KIAA0586: variants seen among roughly 807,000 people sequenced by gnomAD.
KIAA0586 encodes the protein protein TALPID3.
KIAA0586 carries 144 observed loss-of-function variants against 169.8 expected under a neutral mutation model. The observed-to-expected ratio is 0.85, with a 90% CI of 0.74 to 0.97. The LOEUF is 0.97. Ranked by LOEUF, KIAA0586 falls within the 50% of genes least tolerant of loss-of-function variation. The pLI is 0.00. For missense variants in KIAA0586, 1,854 were observed against 1,823.0 expected (o/e 1.02, Z -0.31); for synonymous variants, 625 against 612.4 (o/e 1.02, Z -0.30).
At chr14:58,540,029 T>C in intron 29 of KIAA0586, 42 bp from the exon 30 acceptor site, 1 of 1,150,454 alleles carries the variant, frequency 8.7e-7, no homozygotes, top group South Asian at 1.4e-5. Context: ...ATTATTTCTA[T>C]GCTTAACTGA....
intron 21 of KIAA0586, 32 bp downstream of exon 21, chr14:58,482,744 A>G: frequency 7.1e-7 from 1 of 1,406,126 alleles, no homozygotes; most frequent in Non-Finnish European, 9.7e-7. Context: ...TTTATTGAAG[A>G]ATAGTAAAAT....
chr14:58,470,856 A>AT, intron 17 of KIAA0586, 133 bp downstream of exon 17: 3 of 543,536 alleles, frequency 5.5e-6, no homozygotes, highest in Non-Finnish European at 9.7e-6. Context: ...GATTGAAAAC[A>AT]ATTTTTTTTT....
At chr14:58,507,000 T>G (rs2044003257) in intron 27 of KIAA0586, among the ~76,000 whole-genome samples, 1 of 151,732 alleles carries the variant, frequency 6.6e-6, no homozygotes, top group South Asian at 2.1e-4. Flanking sequence ...TACAAAAAAT[T>G]ATCCAAGTGT....
intron 29 of KIAA0586, chr14:58,521,166 T>C (rs2045193267): frequency 1.6e-6 from 1 of 628,862 alleles, no homozygotes; most frequent in Non-Finnish European, 2.8e-6. Flanking sequence ...TTCTGTGAGA[T>C]TTTTTTGATC....
At chr14:58,556,679 T>G in the KIAA0586 span, among the ~76,000 whole-genome samples, 2 of 152,200 alleles carry the variant, frequency 1.3e-5, no homozygotes, top group African/African-American at 2.4e-5. Flanking sequence ...TATGTACTCT[T>G]TTTTCTAGTT....
chr14:58,496,157 G>A lies in KIAA0586; in HGVS notation c.3991-2626G>A, dbSNP rs1185084708. 2.6e-5 allele frequency among the ~76,000 whole-genome samples: 4 copies of A among 152,302 alleles called. No homozygotes were observed. The East Asian group carries it at 7.7e-4, about 29-fold the overall frequency. On this transcript the variant is annotated intron_variant, in intron 26 of 30. Transcript: ENST00000652326. ...GGCATTTGGTCAGTGAAAGCTCACT[G>A]ATGGCAAAACTGTAATTTGTACATA... is the stretch of plus-strand genomic sequence containing the variant.
chr14:58,448,254 T>G, intron 6 of KIAA0586, 86 bp from the exon 7 acceptor site: 1 of 850,612 alleles, frequency 1.2e-6, no homozygotes, highest in Non-Finnish European at 1.8e-6. Flanking sequence ...AAATTATGTT[T>G]AACTCCTCTA....
At chr14:58,470,540 T>C (rs2041131036) in intron 16 of KIAA0586, 73 bp from the exon 17 acceptor site, 2 of 846,682 alleles carry the variant, frequency 2.4e-6, no homozygotes, top group Non-Finnish European at 3.9e-6. Flanking sequence ...CATATACATG[T>C]ATATACACAT....
chr14:58,515,659 CTATG>C (rs2044700420), intron 29 of KIAA0586, among the ~76,000 whole-genome samples: 2 of 152,014 alleles, frequency 1.3e-5, no homozygotes, highest in South Asian at 4.2e-4. Flanking sequence ...GATTTCAAAA[CTATG>C]TGTGTGTATC....
intron 9 of KIAA0586, among the ~76,000 whole-genome samples, chr14:58,456,201 A>G (rs192277914): frequency 6.6e-6 from 1 of 152,258 alleles, no homozygotes; most frequent in East Asian, 1.9e-4. Flanking sequence ...AGTTGGGAAT[A>G]GGGTCCCGAG....
At chr14:58,526,911 C>T (rs531284236) in intron 29 of KIAA0586, among the ~76,000 whole-genome samples, 56 of 152,082 alleles carry the variant, frequency 3.7e-4, no homozygotes, top group Admixed American at 7.2e-4. Flanking sequence ...CACATTTTCC[C>T]CTCTTTAATT....
chr14:58,468,415 G>T (rs2040942362), intron 16 of KIAA0586, among the ~76,000 whole-genome samples: 1 of 152,140 alleles, frequency 6.6e-6, no homozygotes, highest in Non-Finnish European at 1.5e-5. Flanking sequence ...CATGATTTAA[G>T]CTGCTCTTCT....
intron 6 of KIAA0586, among the ~76,000 whole-genome samples, chr14:58,444,874 C>A (rs1309364612): frequency 7.8e-6 from 1 of 128,550 alleles, no homozygotes; most frequent in South Asian, 2.4e-4. Flanking sequence ...GCCGAGAGTT[C>A]AAGATAAGCC....
intron 30 of KIAA0586, 103 bp from the exon 31 acceptor site, chr14:58,547,678 A>C: frequency 1.4e-4 from 116 of 834,150 alleles, no homozygotes; most frequent in East Asian, 5.5e-4. Context: ...CTTATTTGGA[A>C]TCCGCGCCCC....
chr14:58,497,343 ATTC>A (rs1443551581), intron 26 of KIAA0586, among the ~76,000 whole-genome samples: 2 of 150,836 alleles, frequency 1.3e-5, no homozygotes, highest in East Asian at 1.9e-4. Flanking sequence ...TGACTAAAGT[ATTC>A]TTCTATAATC....
intron 3 of KIAA0586, among the ~76,000 whole-genome samples, chr14:58,431,116 T>C (rs569135084): frequency 1.7e-4 from 26 of 152,328 alleles, no homozygotes; most frequent in African/African-American, 6.0e-4. Flanking sequence ...TTACGTAGTC[T>C]TATAGTTTTT....
At chr14:58,537,380 A>G (rs1228255599) in intron 29 of KIAA0586, among the ~76,000 whole-genome samples, 1 of 152,194 alleles carries the variant, frequency 6.6e-6, no homozygotes, top group Non-Finnish European at 1.5e-5. Flanking sequence ...ATACTCTGCT[A>G]AGATCCTTGA....
At position 58,523,719 on chromosome 14, in the gene KIAA0586, ATAT is replaced by A. The variant is rs542449532; in HGVS notation, c.4429+11118_4429+11120del. Among the ~76,000 whole-genome samples, 1,148 of 149,016 alleles carry A rather than the reference ATAT, an allele frequency of 7.7e-3. 10 individuals carry two copies. The highest frequency in any genetic ancestry group is 9.9e-3 in the Non-Finnish European group (669 of 67,320). ...GAGTAGCATCTGATCTTTTAATTGAATATTATTATTATTATTATTATTATTATT... is the reference window on the plus strand; with the variant it reads ...GAGTAGCATCTGATCTTTTAATTGAATATTATTATTATTATTATTATTATT... On this transcript the variant is annotated intron_variant, in intron 29 of 30. Transcript: ENST00000652326.
rs2140956887 is a variant in KIAA0586, at chr14:58,467,732, T to C, written c.2255-3T>C. The C allele has an allele frequency of 2.8e-5, 44 of 1,598,452 alleles. No homozygotes were observed. Among genetic ancestry groups the C allele is most frequent in the Non-Finnish European group, 3.7e-5 (44 of 1,174,422 alleles). ...GACTTATTTTTTCTCCTAAACTTCTTAGGACAAACCCAAAGTAATAGTGAT... is the reference window on the plus strand; with the variant it reads ...GACTTATTTTTTCTCCTAAACTTCTCAGGACAAACCCAAAGTAATAGTGAT... On this transcript the variant is annotated splice_region_variant and splice_polypyrimidine_tract_variant and intron_variant, in intron 15 of 30. Transcript: ENST00000652326.
Sources: gnomAD v4.1 joint callset for allele counts (sites outside exome capture counted in the v4.1 genomes callset) on GRCh38, gnomAD v4.1.1 for gene constraint, MANE v1.5 for transcripts, NCBI Gene and HGNC (gene_info 2026-07-23, HGNC 2026-07-21) for gene names.